The following COL5A2 variants were observed in gnomAD, a reference collection of about 807,000 sequenced individuals.
COL5A2 encodes the protein collagen alpha-2(V) chain.
A neutral mutation model predicts 208.2 loss-of-function variants in COL5A2; 23 were observed. The ratio of observed to expected loss-of-function variants is 0.11; its 90% CI spans 0.08 to 0.16. COL5A2 has a LOEUF of 0.16. Among genes scored for constraint, COL5A2 ranks in the 10% least tolerant of loss-of-function variants. COL5A2 has a pLI of 1.00. For synonymous variants in COL5A2, 625 were observed against 628.5 expected, an observed-to-expected ratio of 0.99 and a Z score of 0.08; for missense variants, 1,590 against 1,956.4, an observed-to-expected ratio of 0.81 and a Z score of 3.53.
the COL5A2 span, among the ~76,000 whole-genome samples, chr2:189,428,164 G>A: frequency 6.6e-6 from 1 of 152,168 alleles, no homozygotes; most frequent in Non-Finnish European, 1.5e-5. Context: ...AGGGTGAAAT[G>A]ATATGGTTTG....
the COL5A2 span, among the ~76,000 whole-genome samples, chr2:189,388,094 A>T: frequency 6.6e-6 from 1 of 152,198 alleles, no homozygotes; most frequent in East Asian, 1.9e-4. Context: ...CTGTTAGAGC[A>T]TCTAAATGTG....
chr2:189,214,080 G>T (rs1466959809), intron 1 of COL5A2, among the ~76,000 whole-genome samples: 1 of 152,076 alleles, frequency 6.6e-6, no homozygotes, highest in Non-Finnish European at 1.5e-5. Context: ...CACTTCTATA[G>T]TTATTTGTGT....
At chr2:189,050,492 A>C in intron 43 of COL5A2, 77 bp downstream of exon 43, 1 of 1,163,496 alleles carries the variant, frequency 8.6e-7, no homozygotes, top group Non-Finnish European at 1.2e-6. Context: ...TTCATCAAGC[A>C]AAAAAAATAA....
rs112005569 is a variant in COL5A2 at position 189,205,402 on chromosome 2, G to A, written c.-42+19746C>T. On this transcript the variant is annotated intron_variant, in intron 1 of 10. Coordinates refer to the COL5A2 transcript ENST00000649966. Reference sequence around the variant, plus strand: ...TAGCAGAAAAGGAATATGAACCCAGGAAATCAAATCCCAAATCTCATGTTC... The same window carrying A: ...TAGCAGAAAAGGAATATGAACCCAGAAAATCAAATCCCAAATCTCATGTTC... 2.2e-4 allele frequency among the ~76,000 whole-genome samples: 34 copies of A among 152,272 alleles called. 1 individual carries two copies. The highest frequency in any genetic ancestry group is 8.2e-4 in the African/African-American group (34 of 41,578).
At chr2:189,345,424 T>C in the COL5A2 span, among the ~76,000 whole-genome samples, 1 of 152,044 alleles carries the variant, frequency 6.6e-6, no homozygotes, top group South Asian at 2.1e-4. Context: ...GGCCTGAAGG[T>C]GGGCTAAAAT....
chr2:189,132,205 G>A (rs6434329), intron 1 of COL5A2, among the ~76,000 whole-genome samples: 151,111 of 152,358 alleles, frequency 0.99, 74,948 homozygotes, highest in Middle Eastern at 1. Flanking sequence ...ATCATGGTCT[G>A]GTTTTTAGAG....
chr2:189,346,093 TA>T, the COL5A2 span, among the ~76,000 whole-genome samples: 1 of 152,216 alleles, frequency 6.6e-6, no homozygotes, highest in Non-Finnish European at 1.5e-5. Flanking sequence ...TTATTTCATT[TA>T]TGCTCATTTC....
the COL5A2 span, among the ~76,000 whole-genome samples, chr2:189,416,247 C>A: frequency 1.3e-5 from 2 of 152,198 alleles, no homozygotes; most frequent in Non-Finnish European, 2.9e-5. Flanking sequence ...TGCTGCTATA[C>A]AGACACAAGC....
At chr2:189,412,972 T>G in the COL5A2 span, among the ~76,000 whole-genome samples, 3 of 152,194 alleles carry the variant, frequency 2.0e-5, no homozygotes, top group Admixed American at 6.5e-5. Flanking sequence ...GGAAAAGTTG[T>G]ATGGCTGTTA....
In COL5A2 at chr2:189,065,346, G is replaced by A. The variant is rs547433190; in HGVS notation, c.1564-289C>T. ...GGAGTTCAAGACCAGCCTGGCCAAC[G>A]TGGTGAAAACCTGTCTCTACTAAAA... On this transcript the variant is annotated intron_variant, in intron 23 of 53. Transcript: ENST00000374866. Among the ~76,000 whole-genome samples the A allele has an allele frequency of 1.1e-4, 17 of 152,090 alleles. No homozygotes were observed. In the South Asian group the frequency reaches 2.5e-3, roughly 22 times the overall value.
At chr2:189,224,942 C>T (rs1689394113) in intron 1 of COL5A2, among the ~76,000 whole-genome samples, 1 of 151,984 alleles carries the variant, frequency 6.6e-6, no homozygotes, top group Admixed American at 6.6e-5. Flanking sequence ...AACAGAAAGA[C>T]AGACAAGAGA....
chr2:189,085,564 A>G (rs986743958), intron 10 of COL5A2, among the ~76,000 whole-genome samples, 155 bp downstream of exon 10: 10 of 152,202 alleles, frequency 6.6e-5, no homozygotes, highest in African/African-American at 2.4e-4. Flanking sequence ...AGAAACATAT[A>G]GCTTAAGAAC....
chr2:189,276,586 T>C, the COL5A2 span, among the ~76,000 whole-genome samples: 1 of 152,186 alleles, frequency 6.6e-6, no homozygotes, highest in Non-Finnish European at 1.5e-5. Context: ...CACATTTAAA[T>C]TTTCCATAGG....
In COL5A2 at chr2:189,051,317, T is replaced by C. The variant is rs1559079713; in HGVS notation, c.2931+3A>G. 1 of 1,614,078 alleles carries C rather than the reference T, an allele frequency of 6.2e-7. No homozygotes were observed. The highest frequency in any genetic ancestry group is 8.5e-7 in the Non-Finnish European group (1 of 1,179,994). On this transcript the variant is annotated splice_donor_region_variant and intron_variant, in intron 42 of 53. Transcript: ENST00000374866. ...TGGTCTGGAACGGATACGCCAAACT[T>C]ACAGGTTGCCCATCTTCTCCTGGGT...
At chr2:189,265,672 T>C in the COL5A2 span, among the ~76,000 whole-genome samples, 4 of 152,174 alleles carry the variant, frequency 2.6e-5, no homozygotes, top group African/African-American at 9.7e-5. Context: ...TCAACTTTGA[T>C]AAAATAATTT....
At chr2:189,267,263 TA>T in the COL5A2 span, among the ~76,000 whole-genome samples, 3 of 152,120 alleles carry the variant, frequency 2.0e-5, no homozygotes, top group Non-Finnish European at 4.4e-5. Flanking sequence ...AGTATACAGA[TA>T]ATCTATGACC....
the COL5A2 span, among the ~76,000 whole-genome samples, chr2:189,323,034 G>A: frequency 3.3e-5 from 5 of 152,054 alleles, no homozygotes; most frequent in Non-Finnish European, 5.9e-5. Flanking sequence ...ATCAATAAAC[G>A]TAATACAGCA....
chr2:189,057,264 CA>C, intron 34 of COL5A2, 55 bp downstream of exon 34: 2 of 995,368 alleles, frequency 2.0e-6, no homozygotes, highest in South Asian at 3.0e-5. Context: ...ATTTCATTTT[CA>C]GCAGAAAGTC....
At chr2:189,218,958 A>C (rs1423523240) in intron 1 of COL5A2, among the ~76,000 whole-genome samples, 1 of 152,194 alleles carries the variant, frequency 6.6e-6, no homozygotes, top group African/African-American at 2.4e-5. Context: ...TTCAGTGCGC[A>C]GAAATGCTTG....
Sources: gnomAD v4.1 joint callset for allele counts (sites outside exome capture counted in the v4.1 genomes callset) on GRCh38, gnomAD v4.1.1 for gene constraint, MANE v1.5 for transcripts, NCBI Gene and HGNC (gene_info 2026-07-23, HGNC 2026-07-21) for gene names.